GRM8: variants seen among roughly 807,000 people sequenced by gnomAD.
GRM8 encodes glutamate metabotropic receptor 8, also known as metabotropic glutamate receptor 8.
GRM8 carries 47 observed loss-of-function variants against 87.2 expected under a neutral mutation model. The ratio of observed to expected loss-of-function variants is 0.54; its 90% CI spans 0.43 to 0.69. The LOEUF (loss-of-function observed/expected upper bound fraction) is 0.69. Among genes scored for constraint, GRM8 ranks in the 30% least tolerant of loss-of-function variants. The pLI, the probability that GRM8 is intolerant of heterozygous loss-of-function variation, is 0.00. For missense variants in GRM8, 1,019 were observed against 1,139.2 expected, an observed-to-expected ratio of 0.89 and a Z score of 1.52; for synonymous variants, 396 against 404.5, an observed-to-expected ratio of 0.98 and a Z score of 0.25.
intron 9 of GRM8, among the ~76,000 whole-genome samples, chr7:126,451,279 G>A (rs1794417409): frequency 6.6e-6 from 1 of 151,658 alleles, no homozygotes; most frequent in South Asian, 2.1e-4. Flanking sequence ...CATTAATACC[G>A]TGCTTCTAGT....
At chr7:127,063,252 AAAACAAAC>A (rs3039782) in intron 3 of GRM8, among the ~76,000 whole-genome samples, 11 of 149,834 alleles carry the variant, frequency 7.3e-5, no homozygotes, top group African/African-American at 2.5e-4. Flanking sequence ...GACTCCATCA[AAAACAAAC>A]AAACAAACAA....
chr7:126,789,731 T>C (rs1037646116), intron 6 of GRM8, among the ~76,000 whole-genome samples: 2 of 152,180 alleles, frequency 1.3e-5, no homozygotes, highest in African/African-American at 2.4e-5. Context: ...TGGTAAAAAT[T>C]ATTTCATTCT....
chr7:127,022,088 C>G (rs1187443262), intron 3 of GRM8, among the ~76,000 whole-genome samples: 5 of 152,058 alleles, frequency 3.3e-5, no homozygotes, highest in Non-Finnish European at 7.4e-5. Flanking sequence ...GCCCAAACAT[C>G]ATAGTAAGCC....
intron 9 of GRM8, among the ~76,000 whole-genome samples, chr7:126,526,488 T>G (rs1813869419): frequency 6.6e-6 from 1 of 152,164 alleles, no homozygotes; most frequent in Admixed American, 6.5e-5. Flanking sequence ...GGCAGAGAAT[T>G]CAAACTGTTT....
At position 127,116,936 on chromosome 7, in the gene GRM8, G is replaced by A. The variant is rs542305917; in HGVS notation, c.511-10224C>T. Among the ~76,000 whole-genome samples, 7 of 152,284 alleles carry A rather than the reference G, an allele frequency of 4.6e-5. No individual in the cohort carries two copies. In the South Asian group the frequency reaches 1.5e-3, roughly 32 times the overall value. The stretch of plus-strand genomic sequence containing the variant: ...GAAAATGCTACGTAATTTATCAGCA[G>A]GGACTTGCATTACATTCTCACAGAT... On this transcript the variant is annotated intron_variant, in intron 2 of 10. Coordinates refer to ENST00000339582, the MANE Select transcript of GRM8 (RefSeq NM_000845.3).
chr7:127,161,329 A>C (rs1793103224), intron 2 of GRM8, among the ~76,000 whole-genome samples: 1 of 152,138 alleles, frequency 6.6e-6, no homozygotes, highest in African/African-American at 2.4e-5. Context: ...GAGGAAGCTG[A>C]TCTGTGAGAT....
intron 8 of GRM8, among the ~76,000 whole-genome samples, chr7:126,560,579 T>C (rs1463603201): frequency 6.6e-6 from 1 of 152,168 alleles, no homozygotes; most frequent in Non-Finnish European, 1.5e-5. Flanking sequence ...AAATTCACTG[T>C]TTTTGTGTAG....
At chr7:126,735,881 C>T (rs1814154501) in intron 7 of GRM8, among the ~76,000 whole-genome samples, 1 of 152,012 alleles carries the variant, frequency 6.6e-6, no homozygotes, top group South Asian at 2.1e-4. Context: ...AAGCTGGAAG[C>T]CGAAGCAGGG....
rs529445220 is a variant in GRM8, at chr7:127,210,236, A to G, written c.510+32459T>C. On this transcript the variant is annotated intron_variant, in intron 2 of 10. Coordinates refer to ENST00000339582, the MANE Select transcript of GRM8 (RefSeq NM_000845.3). ...TTGGGTTGTTGCTGAAAAGAAAGTA[A>G]GAATTTAGGCATTACAATTCAGACT... Among the ~76,000 whole-genome samples, 252 of 152,348 alleles carry G rather than the reference A, an allele frequency of 1.7e-3. 1 individual carries two copies. The highest frequency in any genetic ancestry group is 2.8e-3 in the Non-Finnish European group (189 of 68,020).
intron 3 of GRM8, among the ~76,000 whole-genome samples, chr7:127,072,990 C>CCCGTTTT (rs68188538): frequency 1.3e-5 from 2 of 150,626 alleles, no homozygotes. Flanking sequence ...TTTCCCTTTT[C>CCCGTTTT]CTTCAAAAAG....
intron 7 of GRM8, among the ~76,000 whole-genome samples, chr7:126,657,013 G>A (rs886517064): frequency 3.9e-5 from 6 of 152,276 alleles, no homozygotes; most frequent in African/African-American, 7.2e-5. Flanking sequence ...AGTAATGTTC[G>A]TACAGCAATT....
intron 6 of GRM8, chr7:126,868,917 G>A (rs1029367778): frequency 7.9e-5 from 12 of 152,262 alleles, no homozygotes; most frequent in African/African-American, 2.9e-4. Context: ...TGCATTGATT[G>A]ACTCTTCCTT....
At chr7:126,885,200 T>C (rs1800374754) in intron 6 of GRM8, among the ~76,000 whole-genome samples, 1 of 152,166 alleles carries the variant, frequency 6.6e-6, no homozygotes, top group Non-Finnish European at 1.5e-5. Flanking sequence ...TTGGTCCTTA[T>C]CCATGAATGA....
chr7:126,631,100 T>C (rs1040333506), intron 7 of GRM8, among the ~76,000 whole-genome samples: 34 of 152,178 alleles, frequency 2.2e-4, no homozygotes, highest in African/African-American at 8.2e-4. Context: ...TTATCTTTGT[T>C]TGTAGATGAC....
intron 6 of GRM8, among the ~76,000 whole-genome samples, chr7:126,785,324 T>C (rs868273204): frequency 6.6e-6 from 1 of 152,194 alleles, no homozygotes; most frequent in Non-Finnish European, 1.5e-5. Context: ...TTTATGCTTC[T>C]ACTTCCTTAT....
At chr7:127,195,062 C>G (rs1795214218) in intron 2 of GRM8, among the ~76,000 whole-genome samples, 2 of 152,150 alleles carry the variant, frequency 1.3e-5, no homozygotes, top group Non-Finnish European at 2.9e-5. Flanking sequence ...CAACTTGGTC[C>G]TTGCCCATTT....
At chr7:126,609,193 G>C (rs939355390) in intron 8 of GRM8, among the ~76,000 whole-genome samples, 169 bp downstream of exon 8, 1 of 151,936 alleles carries the variant, frequency 6.6e-6, no homozygotes, top group Non-Finnish European at 1.5e-5. Context: ...TCTCTAAAGA[G>C]GCTGAAGAAT....
intron 9 of GRM8, among the ~76,000 whole-genome samples, chr7:126,469,679 A>G (rs1328223788): frequency 2.0e-5 from 3 of 152,150 alleles, no homozygotes; most frequent in African/African-American, 4.8e-5. Context: ...TCCTTCTGCC[A>G]TGATTCTAAG....
chr7:127,210,462 G>C (rs2116626166), intron 2 of GRM8, among the ~76,000 whole-genome samples: 1 of 152,328 alleles, frequency 6.6e-6, no homozygotes, highest in South Asian at 2.1e-4. Flanking sequence ...GTGTTGTAAG[G>C]GAGTAGCCTC....
Sources: allele counts gnomAD v4.1 joint callset (sites outside exome capture counted in the v4.1 genomes callset), GRCh38; gene constraint gnomAD v4.1.1; transcripts MANE v1.5; gene names NCBI Gene and HGNC (gene_info 2026-07-23, HGNC 2026-07-21).